The following OSBPL10 variants were observed in gnomAD, a reference collection of about 807,000 sequenced individuals.
The protein encoded by OSBPL10 is oxysterol binding protein like 10.
A neutral mutation model predicts 81.7 loss-of-function variants in OSBPL10; 49 were observed. The ratio of observed to expected loss-of-function variants is 0.60; its 90% CI spans 0.48 to 0.76. The LOEUF is 0.76. OSBPL10 is among the 30% of genes least tolerant of loss of function. OSBPL10 has a pLI of 0.00. For synonymous variants in OSBPL10, 419 were observed against 383.6 expected (o/e 1.09, Z -1.08); for missense variants, 923 against 987.8 (o/e 0.93, Z 0.88).
Position 31,975,818 on chromosome 3 carries a change from A to G in OSBPL10, c.281+5081T>C, listed in dbSNP as rs920220344. 2.0e-5 allele frequency among the ~76,000 whole-genome samples: 3 copies of G among 152,202 alleles called. No individual in the cohort carries two copies. In the South Asian group the frequency reaches 6.2e-4, roughly 32 times the overall value. On this transcript the variant is annotated intron_variant, in intron 1 of 11. Coordinates refer to ENST00000396556, the MANE Select transcript of OSBPL10 (RefSeq NM_017784.5). ...TATTCATTTTTTTATCCATTTGACA[A>G]TACTTACTCTACCCTTACTGTATAC...
chr3:31,811,823 A>G (rs1180237523), intron 4 of OSBPL10, among the ~76,000 whole-genome samples: 3 of 152,200 alleles, frequency 2.0e-5, no homozygotes, highest in Admixed American at 1.3e-4. Flanking sequence ...GGGAGAGAGT[A>G]GTCAGAGAGG....
At chr3:31,991,593 A>G (rs1575080708) in intron 2 of OSBPL10, 2 of 166,802 alleles carry the variant, frequency 1.2e-5, no homozygotes, top group African/African-American at 2.4e-5. Flanking sequence ...TGGTACTGAT[A>G]TTGTATTCTG....
intron 2 of OSBPL10, among the ~76,000 whole-genome samples, chr3:32,042,149 A>C (rs916422889): frequency 8.5e-5 from 13 of 152,162 alleles, no homozygotes; most frequent in African/African-American, 2.4e-4. Context: ...CTCATACAAT[A>C]ATAGCCAGTA....
chr3:31,678,203 C>A (rs1700535402), intron 8 of OSBPL10, among the ~76,000 whole-genome samples: 1 of 151,940 alleles, frequency 6.6e-6, no homozygotes. Context: ...GACAGGAGGC[C>A]ATGTGCTGTG....
At chr3:31,675,964 A>C (rs923329131) in intron 8 of OSBPL10, among the ~76,000 whole-genome samples, 1 of 151,496 alleles carries the variant, frequency 6.6e-6, no homozygotes, top group Admixed American at 6.6e-5. Context: ...AAAAAAAAAA[A>C]AGAGGAAACT....
intron 2 of OSBPL10, chr3:31,986,547 C>A (rs1445825458): frequency 6.6e-6 from 1 of 152,064 alleles, no homozygotes; most frequent in Non-Finnish European, 1.5e-5. Context: ...AGATCGAGAC[C>A]ATCCTGGCTA....
rs576094780 is a variant in OSBPL10, at chr3:31,990,665, A to G, written n.298+55826T>C. The G allele has an allele frequency of 9.9e-6, 16 of 1,614,158 alleles. No homozygotes were observed. The African/African-American group carries it at 1.6e-4, about 16-fold the overall frequency. ...CAACAAGCAACCCTTGCACGTCATC[A>G]TAGACTTCATACTGGAGAGAAACCT... On this transcript the variant is annotated intron_variant and non_coding_transcript_variant, in intron 2 of 3. Transcript: ENST00000479173.
intron 3 of OSBPL10, among the ~76,000 whole-genome samples, chr3:31,852,542 AGCTACTCCTGTG>A (rs1700796040): frequency 6.6e-6 from 1 of 152,132 alleles, no homozygotes; most frequent in South Asian, 2.1e-4. Flanking sequence ...CATTTGAGCA[AGCTACTCCTGTG>A]GCACGGAAGT....
chr3:31,864,715 G>A (rs187182072), intron 3 of OSBPL10, among the ~76,000 whole-genome samples: 80 of 152,220 alleles, frequency 5.3e-4, no homozygotes, highest in African/African-American at 1.7e-3. Context: ...AGAGATAGAG[G>A]GGAAGGAACT....
In OSBPL10 at chr3:31,830,248, G is replaced by A; in HGVS notation, c.538-17C>T. 2 of 1,603,160 alleles carry A rather than the reference G, an allele frequency of 1.2e-6. No homozygotes were observed. Among genetic ancestry groups the A allele is most frequent in the Non-Finnish European group, 1.7e-6 (2 of 1,174,794 alleles). ...TGGAGCACTCTAGAATAAGCAACAG[G>A]TGTCAAAACTCAACAACTGACCTGC... On this transcript the variant is annotated splice_polypyrimidine_tract_variant and intron_variant, in intron 3 of 11. Coordinates refer to ENST00000396556, the MANE Select transcript of OSBPL10 (RefSeq NM_017784.5).
chr3:31,870,544 G>T (rs1408202226), intron 3 of OSBPL10, among the ~76,000 whole-genome samples: 6 of 152,264 alleles, frequency 3.9e-5, no homozygotes, highest in Non-Finnish European at 8.8e-5. Flanking sequence ...TGCAGCCCCG[G>T]TGCGGGATCC....
intron 5 of OSBPL10, among the ~76,000 whole-genome samples, chr3:31,741,242 A>G (rs1697338491): frequency 6.6e-6 from 1 of 152,220 alleles, no homozygotes; most frequent in Non-Finnish European, 1.5e-5. Flanking sequence ...GTGGAAAGCC[A>G]GCGCCTTGGT....
chr3:31,662,698 G>GT (rs1417990442), intron 11 of OSBPL10: 1 of 985,344 alleles, frequency 1.0e-6, no homozygotes, highest in African/African-American at 1.7e-5. Flanking sequence ...TTCCTTACAT[G>GT]TTCCCAGCCC....
chr3:31,861,868 C>T (rs962774088), intron 3 of OSBPL10, among the ~76,000 whole-genome samples: 3 of 152,180 alleles, frequency 2.0e-5, no homozygotes, highest in Non-Finnish European at 4.4e-5. Flanking sequence ...AAGCCTCGTG[C>T]ACATCCTGGT....
At chr3:31,941,142 C>T (rs1292469351) in intron 1 of OSBPL10, among the ~76,000 whole-genome samples, 1 of 152,026 alleles carries the variant, frequency 6.6e-6, no homozygotes, top group Non-Finnish European at 1.5e-5. Flanking sequence ...TGAACAGTTG[C>T]AATATCAATA....
rs184948603 is a variant in OSBPL10 at position 31,834,745 on chromosome 3, G to T, written c.538-4514C>A. Among the ~76,000 whole-genome samples, 5 of 152,326 alleles carry T rather than the reference G, an allele frequency of 3.3e-5. No homozygotes were observed. The East Asian group carries it at 5.8e-4, about 18-fold the overall frequency. ...AGCCTGGGAGATAGAAGCCTAGTGT[G>T]AGAAAGCTTAGGGCAACAAGCACTG... On this transcript the variant is annotated intron_variant, in intron 3 of 11. Coordinates refer to ENST00000396556, the MANE Select transcript of OSBPL10 (RefSeq NM_017784.5).
chr3:31,796,366 C>A (rs760988448), intron 4 of OSBPL10, among the ~76,000 whole-genome samples: 17 of 151,958 alleles, frequency 1.1e-4, no homozygotes, highest in Admixed American at 2.6e-4. Flanking sequence ...AAATTCCTTG[C>A]CCCGCCCCCC....
chr3:32,035,445 C>G (rs1699507809), intron 2 of OSBPL10, among the ~76,000 whole-genome samples: 1 of 151,346 alleles, frequency 6.6e-6, no homozygotes, highest in Admixed American at 6.6e-5. Context: ...GCCTGTAATC[C>G]TAGCTACTCA....
intron 4 of OSBPL10, among the ~76,000 whole-genome samples, chr3:31,786,755 T>C (rs1323368123): frequency 1.3e-5 from 2 of 152,218 alleles, no homozygotes; most frequent in Non-Finnish European, 2.9e-5. Flanking sequence ...TTAAGCACTT[T>C]AAAAGTTTTG....
Sources: gnomAD v4.1 joint callset for allele counts (sites outside exome capture counted in the v4.1 genomes callset) on GRCh38, gnomAD v4.1.1 for gene constraint, MANE v1.5 for transcripts, NCBI Gene and HGNC (gene_info 2026-07-23, HGNC 2026-07-21) for gene names.